CDH26: variants seen among roughly 807,000 people sequenced by gnomAD.
CDH26 encodes cadherin-like protein 26.
CDH26 carries 83 observed loss-of-function variants against 90.3 expected under a neutral mutation model. The ratio of observed to expected loss-of-function variants is 0.92; its 90% CI spans 0.77 to 1.10. The LOEUF (loss-of-function observed/expected upper bound fraction) is 1.10, where lower values mean the gene tolerates loss of function less well. Ranked by LOEUF, CDH26 falls within the 50% of genes least tolerant of loss-of-function variation. The pLI is 0.00. For missense variants in CDH26, 1,013 were observed against 1,037.6 expected, an observed-to-expected ratio of 0.98 and a Z score of 0.33; for synonymous variants, 397 against 396.3, an observed-to-expected ratio of 1.00 and a Z score of -0.02.
chr20:59,991,653 T>C (rs1361699871), intron 9 of CDH26, among the ~76,000 whole-genome samples: 1 of 152,200 alleles, frequency 6.6e-6, no homozygotes, highest in Non-Finnish European at 1.5e-5. Context: ...GAAAAACATT[T>C]GCCCAGAAGA....
chr20:59,984,371 C>G (rs182870656), intron 5 of CDH26, among the ~76,000 whole-genome samples: 180 of 152,164 alleles, frequency 1.2e-3, no homozygotes, highest in Middle Eastern at 3.4e-3. Flanking sequence ...AAATTTTGTC[C>G]ACAGTTTTTT....
At chr20:60,005,478 CTGTATGTATGTATGTA>C (rs35310546) in intron 16 of CDH26, among the ~76,000 whole-genome samples, 1 of 147,606 alleles carries the variant, frequency 6.8e-6, no homozygotes, top group Non-Finnish European at 1.5e-5. Flanking sequence ...GTGTATATAT[CTGTATGTATGTATGTA>C]TGTATGTATG....
chr20:60,027,136 G>A (rs988767332), intron 7 of CDH26, among the ~76,000 whole-genome samples: 3 of 152,108 alleles, frequency 2.0e-5, no homozygotes, highest in Non-Finnish European at 2.9e-5. Context: ...ATGGTCTTGG[G>A]CAGAGGAGAA....
intron 7 of CDH26, among the ~76,000 whole-genome samples, chr20:60,022,769 A>G (rs2061967989): frequency 6.6e-6 from 1 of 152,216 alleles, no homozygotes; most frequent in Admixed American, 6.5e-5. Context: ...ATCTGCTATG[A>G]AGAAGGAGAA....
At chr20:59,979,703 T>C (rs2145981623) in intron 4 of CDH26, among the ~76,000 whole-genome samples, 1 of 144,446 alleles carries the variant, frequency 6.9e-6, no homozygotes, top group Admixed American at 7.2e-5. Context: ...CTCAGCTTAT[T>C]GCAATCTTGG....
intron 7 of CDH26, among the ~76,000 whole-genome samples, chr20:60,028,687 G>A (rs893251043): frequency 6.6e-6 from 1 of 152,310 alleles, no homozygotes; most frequent in Non-Finnish European, 1.5e-5. Context: ...GGCTGACATG[G>A]CAAGTGAGGT....
intron 4 of CDH26, among the ~76,000 whole-genome samples, chr20:59,978,259 G>A (rs938492927): frequency 1.3e-5 from 2 of 152,126 alleles, no homozygotes; most frequent in African/African-American, 2.4e-5. Context: ...GCTGATAGTT[G>A]GATTGTGTAG....
chr20:59,992,850 C>T lies in CDH26; in HGVS notation c.1426+330C>T, dbSNP rs78587726. Among the ~76,000 whole-genome samples the T allele has an allele frequency of 0.028, 4,314 of 152,212 alleles. 111 individuals are homozygous for T. The highest frequency in any genetic ancestry group is 0.06 in the African/African-American group (2,486 of 41,518). Reference sequence around the variant, plus strand: ...AATGATGTGTGATAAATATTTAGCACAGCTTCCCTGTGCTTGGGATGGCAT... The same window carrying T: ...AATGATGTGTGATAAATATTTAGCATAGCTTCCCTGTGCTTGGGATGGCAT... On this transcript the variant is annotated intron_variant, in intron 10 of 17. Coordinates refer to ENST00000348616, the MANE Select transcript of CDH26 (RefSeq NM_177980.4). This position sits in a 1 kb window ranked among gnomAD's most constrained non-coding sequence, Gnocchi z 5.0.
Position 60,002,793 on chromosome 20 carries a change from A to G in CDH26, c.2167-20A>G. 2 of 1,573,572 alleles carry G rather than the reference A, an allele frequency of 1.3e-6. No homozygotes were observed. Among genetic ancestry groups the G allele is most frequent in the Non-Finnish European group, 1.7e-6 (2 of 1,155,866 alleles). ...TTGGTAATTTATTTGAAATCAGTAA[A>G]TATTTCATCTTTCTTTAAGGGTTAT... On this transcript the variant is annotated intron_variant, in intron 15 of 17. Coordinates refer to ENST00000348616, the MANE Select transcript of CDH26 (RefSeq NM_177980.4).
intron 1 of CDH26, among the ~76,000 whole-genome samples, chr20:59,964,550 G>A (rs535625019): frequency 7.2e-5 from 11 of 151,992 alleles, no homozygotes; most frequent in African/African-American, 2.2e-4. Context: ...GAAATATAAT[G>A]AGAGCACTTA....
intron 4 of CDH26, among the ~76,000 whole-genome samples, chr20:59,980,644 C>G (rs1465222642): frequency 6.6e-6 from 1 of 152,178 alleles, no homozygotes; most frequent in Non-Finnish European, 1.5e-5. Flanking sequence ...AATCCTTTGT[C>G]AGCATATGAA....
chr20:59,960,778 G>A (rs2061060096), intron 1 of CDH26, among the ~76,000 whole-genome samples: 1 of 152,136 alleles, frequency 6.6e-6, no homozygotes, highest in Admixed American at 6.5e-5. Context: ...TCCTTGCCCA[G>A]ACAAACGTCA....
chr20:59,969,071 C>A, intron 2 of CDH26, 48 bp downstream of exon 2: 1 of 1,201,706 alleles, frequency 8.3e-7, no homozygotes, highest in African/African-American at 1.5e-5. Flanking sequence ...AGTCTCTACA[C>A]TTGACTTAGA....
chr20:59,993,138 C>G (rs194995), intron 10 of CDH26, among the ~76,000 whole-genome samples: 2,171 of 152,110 alleles, frequency 0.014, 51 homozygotes, highest in African/African-American at 0.049. Flanking sequence ...TGGCGGGGGG[C>G]AATGGAGATA....
intron 4 of CDH26, among the ~76,000 whole-genome samples, chr20:59,974,387 A>G (rs186990767): frequency 1.3e-5 from 2 of 152,352 alleles, no homozygotes; most frequent in Admixed American, 6.5e-5. Flanking sequence ...TAAATGATGT[A>G]TTAAGGGTTG....
chr20:60,004,872 T>G lies in CDH26; in HGVS notation c.2221-1841T>G, dbSNP rs1320052347. On this transcript the variant is annotated intron_variant, in intron 16 of 17. Transcript: ENST00000348616. ...TGGGACCAGCTTTATATATACGGCC[T>G]GTCATTGAAATGTTATGCCGTGCAT... Among the ~76,000 whole-genome samples the G allele has an allele frequency of 2.0e-5, 3 of 151,824 alleles. No individual in the cohort carries two copies. The East Asian group carries it at 5.8e-4, about 30-fold the overall frequency.
intron 1 of CDH26, among the ~76,000 whole-genome samples, chr20:59,961,114 C>G (rs1177085289): frequency 6.6e-6 from 1 of 152,194 alleles, no homozygotes; most frequent in East Asian, 1.9e-4. Flanking sequence ...TCACAGAAGT[C>G]CTTTTTAGTA....
At position 59,977,001 on chromosome 20, in the gene CDH26, G is replaced by A. The variant is rs140037157; in HGVS notation, c.393+4878G>A. Among the ~76,000 whole-genome samples, 256 of 152,198 alleles carry A rather than the reference G, an allele frequency of 1.7e-3. 5 individuals carry two copies. The East Asian group carries it at 0.025, about 15-fold the overall frequency. ...TAGAGTGAAGTGAGGAAGAATCGGC[G>A]GAAGGTGCAGTCTTGATCCCTGACT... On this transcript the variant is annotated intron_variant, in intron 4 of 17. Coordinates refer to ENST00000348616, the MANE Select transcript of CDH26 (RefSeq NM_177980.4).
rs890024341 is a variant in CDH26, at chr20:60,030,372, C to T, written c.948-859C>T. On this transcript the variant is annotated intron_variant, in intron 7 of 8. Transcript: ENST00000370991. The surrounding 1 kb of genome is among the most constrained non-coding windows in gnomAD (Gnocchi z 4.0). ...TTTGGTCTGTTGGTGTTTTAAGTATCTGGGTTTTTTTTTGTTTGCTTTTTT... is the reference window on the plus strand; with the variant it reads ...TTTGGTCTGTTGGTGTTTTAAGTATTTGGGTTTTTTTTTGTTTGCTTTTTT... 6.6e-6 allele frequency among the ~76,000 whole-genome samples: 1 copy of T among 152,032 alleles called. No homozygotes were observed. The highest frequency in any genetic ancestry group is 3.2e-3 in the Middle Eastern group (1 of 316).
Sources: allele counts gnomAD v4.1 joint callset (sites outside exome capture counted in the v4.1 genomes callset), GRCh38; gene constraint gnomAD v4.1.1; non-coding constraint Gnocchi (gnomAD v3.1); transcripts MANE v1.5; gene names NCBI Gene and HGNC (gene_info 2026-07-23, HGNC 2026-07-21).